ADRA1B: variants seen among roughly 807,000 people sequenced by gnomAD.
The protein encoded by ADRA1B is alpha-1B adrenergic receptor.
In ADRA1B, 17 loss-of-function variants were observed where a neutral mutation model predicts 17.9. The ratio of observed to expected loss-of-function variants is 0.95; its 90% CI spans 0.65 to 1.42. ADRA1B has a LOEUF of 1.42. Ranked by LOEUF, ADRA1B falls within the 40% of genes most tolerant of loss-of-function variation. ADRA1B has a pLI of 0.00. For missense variants in ADRA1B, 681 were observed against 722.1 expected (o/e 0.94, Z 0.65); for synonymous variants, 366 against 327.6 (o/e 1.12, Z -1.27).
chr5:159,960,782 G>A (rs950002426), intron 1 of ADRA1B, among the ~76,000 whole-genome samples: 1 of 151,156 alleles, frequency 6.6e-6, no homozygotes, highest in African/African-American at 2.4e-5. Context: ...GCACTCAGGT[G>A]CTGCTTATCC....
chr5:159,883,425 T>A (rs1753884797), intron 1 of ADRA1B, among the ~76,000 whole-genome samples: 2 of 152,226 alleles, frequency 1.3e-5, no homozygotes, highest in Admixed American at 1.3e-4. Flanking sequence ...TCTAACAGAC[T>A]ATCCAAGAAT....
At chr5:159,933,388 C>T (rs185232642) in intron 1 of ADRA1B, among the ~76,000 whole-genome samples, 4 of 152,272 alleles carry the variant, frequency 2.6e-5, no homozygotes, top group African/African-American at 9.6e-5. Context: ...TGTATATTGT[C>T]AAATTACTCT....
At chr5:159,885,533 G>GACATTA (rs944307049) in intron 1 of ADRA1B, among the ~76,000 whole-genome samples, 1 of 152,188 alleles carries the variant, frequency 6.6e-6, no homozygotes, top group Non-Finnish European at 1.5e-5. Flanking sequence ...TCTTCCTCTG[G>GACATTA]ACACTAACAC....
At chr5:159,877,681 C>T (rs554995516) in intron 1 of ADRA1B, among the ~76,000 whole-genome samples, 2 of 152,270 alleles carry the variant, frequency 1.3e-5, no homozygotes, top group Non-Finnish European at 2.9e-5. Flanking sequence ...CCCATTATGT[C>T]TCTCAATGCT....
chr5:159,952,135 T>C (rs1358701216), intron 1 of ADRA1B, among the ~76,000 whole-genome samples: 1 of 152,200 alleles, frequency 6.6e-6, no homozygotes, highest in East Asian at 1.9e-4. Context: ...CTTTCTTAAA[T>C]TGCCTTTTGG....
the ADRA1B span, among the ~76,000 whole-genome samples, chr5:159,981,073 C>A: frequency 2.6e-5 from 4 of 152,278 alleles, no homozygotes; most frequent in Admixed American, 6.5e-5. Context: ...AGGCCAGGGG[C>A]TCTCAAACTT....
intron 1 of ADRA1B, among the ~76,000 whole-genome samples, chr5:159,945,276 C>A (rs535848031): frequency 6.6e-6 from 1 of 151,982 alleles, no homozygotes; most frequent in African/African-American, 2.4e-5. Context: ...TGCTTCAACC[C>A]GGGAGGTGGA....
intron 1 of ADRA1B, among the ~76,000 whole-genome samples, chr5:159,945,418 G>T (rs1302654068): frequency 6.6e-6 from 1 of 152,132 alleles, no homozygotes; most frequent in Non-Finnish European, 1.5e-5. Context: ...GAGATCATGG[G>T]CTGAAACTTG....
At chr5:159,971,314 T>A (rs1755860394) in intron 1 of ADRA1B, among the ~76,000 whole-genome samples, 1 of 152,240 alleles carries the variant, frequency 6.6e-6, no homozygotes, top group Admixed American at 6.5e-5. Flanking sequence ...CTTCTCAGAT[T>A]CTTGCCTCAT....
chr5:159,873,769 G>A (rs1753774108), intron 1 of ADRA1B, among the ~76,000 whole-genome samples: 1 of 152,136 alleles, frequency 6.6e-6, no homozygotes, highest in African/African-American at 2.4e-5. Flanking sequence ...ACAGTGTGCA[G>A]GCCTGTCCCC....
At position 159,917,610 on chromosome 5, in the gene ADRA1B, G is replaced by A; in HGVS notation, c.705G>A (p.Lys235=). 1 of 1,614,090 alleles carries A rather than the reference G, an allele frequency of 6.2e-7. No individual in the cohort carries two copies. The highest frequency in any genetic ancestry group is 1.1e-5 in the South Asian group (1 of 91,068). ...ATATAGTGGCCAAGAGAACCACCAA[G>A]AACCTAGAGGCAGGAGTCATGAAGG... The part of the protein sequence containing the change: ...RVYIVAKRTT[K]NLEAGVMKEM... Residue 235 remains lysine (K), a synonymous_variant, in exon 1 of 2, where the codon AAG becomes AAA. Coordinates refer to ENST00000306675, the MANE Select transcript of ADRA1B (RefSeq NM_000679.4).
intron 1 of ADRA1B, chr5:159,948,244 T>C: frequency 1.0e-6 from 1 of 985,464 alleles, no homozygotes; most frequent in Non-Finnish European, 1.2e-6. Flanking sequence ...GATTATTTTG[T>C]GAAAGCTCCG....
Position 159,917,789 on chromosome 5 carries a change from CGTTGGGCATTGTG to C in ADRA1B, c.887_899del (p.Leu296SerfsTer24). On this transcript the variant is annotated frameshift_variant, in exon 1 of 2. Transcript: ENST00000306675. LOFTEE classifies it high-confidence loss of function. ...TCCAGGGAAAAGAAAGCAGCTAAGA[CGTTGGGCATTGTG>C]GTCGGTATGTTCATCTTGTGCTGGC... 3 of 1,613,754 alleles carry C rather than the reference CGTTGGGCATTGTG, an allele frequency of 1.9e-6. No homozygotes were observed. The highest frequency in any genetic ancestry group is 2.5e-6 in the Non-Finnish European group (3 of 1,179,968).
intron 1 of ADRA1B, among the ~76,000 whole-genome samples, chr5:159,879,870 C>G (rs1753838760): frequency 6.6e-6 from 1 of 152,074 alleles, no homozygotes; most frequent in African/African-American, 2.4e-5. Context: ...GTGGCGGGCG[C>G]CTGTAATCCC....
intron 1 of ADRA1B, among the ~76,000 whole-genome samples, chr5:159,962,879 G>C (rs1447605026): frequency 9.5e-6 from 1 of 104,844 alleles, no homozygotes; most frequent in Non-Finnish European, 2.0e-5. Flanking sequence ...GGCTTGTTTG[G>C]TTTTTAGCTT....
chr5:159,917,155 A>C lies in ADRA1B; in HGVS notation c.250A>C (p.Ile84Leu). The change falls in exon 1 of 2, where the codon ATT (isoleucine) becomes CTT (leucine). Residue 84 changes from isoleucine (I) to leucine (L), a missense_variant. By Grantham distance (5) the Ile-to-Leu change is conservative (BLOSUM62 2). Coordinates refer to ENST00000306675, the MANE Select transcript of ADRA1B (RefSeq NM_000679.4). ...CCTGCGGACGCCCACCAACTACTTCATTGTCAACCTGGCCATGGCCGACCT... is the reference window on the plus strand; with the variant it reads ...CCTGCGGACGCCCACCAACTACTTCCTTGTCAACCTGGCCATGGCCGACCT... Reference protein sequence around the residue: ...RHLRTPTNYFIVNLAMADLLL... With the variant: ...RHLRTPTNYFLVNLAMADLLL... The C allele has an allele frequency of 1.2e-6, 2 of 1,613,930 alleles. No individual in the cohort carries two copies. The highest frequency in any genetic ancestry group is 1.7e-6 in the Non-Finnish European group (2 of 1,179,982).
rs933687916 is a variant in ADRA1B at position 159,930,703 on chromosome 5, G to A, written c.949+12849G>A. On this transcript the variant is annotated intron_variant, in intron 1 of 1. Transcript: ENST00000306675. The stretch of plus-strand genomic sequence containing the variant: ...GTAATGTCTAACCCAACTTTTAAAA[G>A]CTATTTATTAGTTTAGTTACCTCAA... Among the ~76,000 whole-genome samples the A allele has an allele frequency of 4.6e-5, 7 of 152,126 alleles. 1 individual carries two copies. In the East Asian group the frequency reaches 1.2e-3, roughly 25 times the overall value.
At chr5:159,902,127 A>G (rs1754106347) in intron 1 of ADRA1B, among the ~76,000 whole-genome samples, 1 of 143,386 alleles carries the variant, frequency 7.0e-6, no homozygotes, top group Non-Finnish European at 1.6e-5. Flanking sequence ...AATGTGATAT[A>G]TACACTATAT....
intron 1 of ADRA1B, among the ~76,000 whole-genome samples, chr5:159,959,167 T>G (rs1467228238): frequency 1.3e-5 from 2 of 152,184 alleles, no homozygotes; most frequent in African/African-American, 4.8e-5. Context: ...TATTAACCCG[T>G]GTACTATGGA....
Sources: allele counts gnomAD v4.1 joint callset (sites outside exome capture counted in the v4.1 genomes callset), GRCh38; gene constraint gnomAD v4.1.1; transcripts MANE v1.5; gene names NCBI Gene and HGNC (gene_info 2026-07-23, HGNC 2026-07-21).